OPHN1: variants seen among roughly 807,000 people sequenced by gnomAD.
The protein encoded by OPHN1 is oligophrenin-1.
A neutral mutation model predicts 60.7 loss-of-function variants in OPHN1; 11 were observed. That is an observed-to-expected ratio of 0.18 (90% CI 0.11 to 0.30). The LOEUF is 0.30. Ranked by LOEUF, OPHN1 falls within the 10% of genes least tolerant of loss-of-function variation. The pLI is 1.00. For missense variants in OPHN1, 449 were observed against 611.0 expected, an observed-to-expected ratio of 0.73 and a Z score of 2.80; for synonymous variants, 226 against 222.6, an observed-to-expected ratio of 1.02 and a Z score of -0.14.
chrX:68,317,545 A>AAG (rs2078212582), intron 2 of OPHN1, among the ~76,000 whole-genome samples: 2 of 74,818 alleles, frequency 2.7e-5, no homozygotes, highest in African/African-American at 7.1e-5. Context: ...GAAAAAAAGA[A>AAG]AGAAAGAAAG....
At chrX:68,378,842 A>C (rs1255014705) in intron 2 of OPHN1, among the ~76,000 whole-genome samples, 1 of 111,651 alleles carries the variant, frequency 9.0e-6, no homozygotes, top group Non-Finnish European at 1.9e-5. Context: ...GTAGCCTTGT[A>C]GTATAGCTTG....
chrX:68,272,995 G>C (rs1410185795), intron 5 of OPHN1, among the ~76,000 whole-genome samples: 1 of 111,666 alleles, frequency 9.0e-6, no homozygotes, highest in African/African-American at 3.3e-5. Context: ...AACAAGTATT[G>C]CTGGGCTATG....
At chrX:68,336,013 A>T (rs1163378782) in intron 2 of OPHN1, among the ~76,000 whole-genome samples, 1 of 111,269 alleles carries the variant, frequency 9.0e-6, no homozygotes, top group Non-Finnish European at 1.9e-5. Flanking sequence ...TTTTCATTGT[A>T]TAAGTTGAGA....
At chrX:68,433,618 G>T (rs918729158), upstream of OPHN1, 9 of 294,697 alleles carry the variant, frequency 3.1e-5, no homozygotes, top group African/African-American at 5.5e-5. Flanking sequence ...TTCCTCAACT[G>T]TTTTCCTTGT....
At chrX:68,088,100 G>A (rs2077002176) in intron 19 of OPHN1, among the ~76,000 whole-genome samples, 2 of 111,278 alleles carry the variant, frequency 1.8e-5, no homozygotes, top group South Asian at 3.8e-4. Flanking sequence ...ATACTTATGG[G>A]AAAATCGATG....
chrX:68,222,160 C>A (rs1388832264), intron 6 of OPHN1, among the ~76,000 whole-genome samples: 1 of 108,704 alleles, frequency 9.2e-6, no homozygotes, highest in Admixed American at 9.8e-5. Context: ...TTTATGCAGC[C>A]AAAAAACACA....
At chrX:68,352,520 C>G (rs1384634650) in intron 2 of OPHN1, among the ~76,000 whole-genome samples, 1 of 110,942 alleles carries the variant, frequency 9.0e-6, no homozygotes, top group African/African-American at 3.3e-5. Context: ...ATCACTGGAG[C>G]TACAATTATA....
chrX:68,333,210 A>C (rs1348551423), intron 2 of OPHN1, among the ~76,000 whole-genome samples: 1 of 110,008 alleles, frequency 9.1e-6, no homozygotes, highest in Non-Finnish European at 1.9e-5. Context: ...TTAGGCCAGG[A>C]GTTTGAGACC....
At chrX:68,397,460 CTTTT>C (rs767285762) in intron 2 of OPHN1, among the ~76,000 whole-genome samples, 3 of 50,015 alleles carry the variant, frequency 6.0e-5, no homozygotes, top group East Asian at 1.7e-3. Flanking sequence ...CTTTTATGTT[CTTTT>C]TTTTTTTTTT....
chrX:68,269,043 C>G (rs2077950701), intron 5 of OPHN1, among the ~76,000 whole-genome samples: 1 of 111,376 alleles, frequency 9.0e-6, no homozygotes, highest in Non-Finnish European at 1.9e-5. Flanking sequence ...ACATGAAGGA[C>G]CTCTTCAAGG....
chrX:68,380,777 G>T (rs1039241037), intron 2 of OPHN1, among the ~76,000 whole-genome samples: 16 of 111,552 alleles, frequency 1.4e-4, no homozygotes, highest in African/African-American at 5.2e-4. Flanking sequence ...TAGTTTGATT[G>T]CACTGTGGTC....
chrX:68,220,645 G>A (rs2077650388), intron 6 of OPHN1, among the ~76,000 whole-genome samples: 1 of 91,604 alleles, frequency 1.1e-5, no homozygotes, highest in Non-Finnish European at 2.2e-5. Context: ...ATCAATAAAT[G>A]TAATCCAGCA....
intron 5 of OPHN1, among the ~76,000 whole-genome samples, chrX:68,258,297 G>A (rs1214240066): frequency 5.6e-5 from 6 of 107,654 alleles, no homozygotes; most frequent in Non-Finnish European, 1.1e-4. Context: ...TGTGTACAAC[G>A]TGCAGGTTAG....
intron 2 of OPHN1, among the ~76,000 whole-genome samples, chrX:68,411,522 G>A (rs1318610691): frequency 8.9e-6 from 1 of 112,138 alleles, no homozygotes; most frequent in Admixed American, 9.5e-5. Flanking sequence ...AATAATCAGC[G>A]ATGCTGAGCA....
At chrX:68,351,869 TTTTC>T (rs2078413493) in intron 2 of OPHN1, among the ~76,000 whole-genome samples, 1 of 73,187 alleles carries the variant, frequency 1.4e-5, no homozygotes, top group Non-Finnish European at 2.4e-5. Context: ...GCTAATTTTT[TTTTC>T]TTTTTTTTTT....
chrX:68,166,881 TA>T (rs1188802759), intron 15 of OPHN1, among the ~76,000 whole-genome samples: 3 of 112,187 alleles, frequency 2.7e-5, no homozygotes, highest in East Asian at 5.6e-4. Context: ...TAAATCAAAT[TA>T]AAATGTATTA....
At chrX:68,212,661 A>G (rs1280645690) in intron 7 of OPHN1, among the ~76,000 whole-genome samples, 1 of 112,555 alleles carries the variant, frequency 8.9e-6, no homozygotes. Flanking sequence ...AAACGCAGTC[A>G]AACACAAACC....
intron 15 of OPHN1, among the ~76,000 whole-genome samples, chrX:68,192,472 C>CAAAA (rs11288704): frequency 2.2e-5 from 2 of 89,783 alleles, no homozygotes; most frequent in Admixed American, 1.3e-4. Context: ...GACCCTGTCT[C>CAAAA]AAAAAAAAAA....
intron 2 of OPHN1, among the ~76,000 whole-genome samples, chrX:68,360,922 A>G (rs1025733347): frequency 8.9e-6 from 1 of 112,341 alleles, no homozygotes; most frequent in Non-Finnish European, 1.9e-5. Flanking sequence ...CAACAATATC[A>G]TAAGGGACTC....
Sources: allele counts gnomAD v4.1 joint callset (sites outside exome capture counted in the v4.1 genomes callset), GRCh38; gene constraint gnomAD v4.1.1; transcripts MANE v1.5; gene names NCBI Gene and HGNC (gene_info 2026-07-23, HGNC 2026-07-21).